Variants in ACOX3 observed in about 807,000 individuals in gnomAD.
ACOX3 encodes acyl-CoA oxidase 3, pristanoyl.
ACOX3 carries 73 observed loss-of-function variants against 81.5 expected under a neutral mutation model. The ratio of observed to expected loss-of-function variants is 0.90; its 90% CI spans 0.74 to 1.09. The LOEUF is 1.09. Ranked by LOEUF, ACOX3 falls within the 50% of genes least tolerant of loss-of-function variation. The pLI is 0.00. For missense variants in ACOX3, 947 were observed against 928.0 expected (o/e 1.02, Z -0.27); for synonymous variants, 387 against 375.1 (o/e 1.03, Z -0.37).
intron 13 of ACOX3, among the ~76,000 whole-genome samples, chr4:8,383,570 C>T (rs868572412): frequency 6.6e-6 from 1 of 152,192 alleles, no homozygotes; most frequent in Non-Finnish European, 1.5e-5. Flanking sequence ...AAAGCCCCCC[C>T]ACCACGAGAG....
intron 13 of ACOX3, among the ~76,000 whole-genome samples, chr4:8,388,774 C>T (rs1718605646): frequency 6.6e-6 from 1 of 152,212 alleles, no homozygotes; most frequent in African/African-American, 2.4e-5. Flanking sequence ...CCAGCAGGGC[C>T]TGGGAGTGGG....
chr4:8,415,881 T>C lies in ACOX3; in HGVS notation c.263A>G (p.Tyr88Cys). 1 of 1,614,204 alleles carries C rather than the reference T, an allele frequency of 6.2e-7. No individual in the cohort carries two copies. The highest frequency in any genetic ancestry group is 8.5e-7 in the Non-Finnish European group (1 of 1,180,036). The change falls in exon 3 of 18, where the codon TAT becomes TGT. Residue 88 changes from tyrosine to cysteine, a missense_variant. Tyr to Cys is a radical substitution (Grantham distance 194). Transcript: ENST00000356406. ...CATGTCTTCGACACTGAGGAAGTCA[T>C]ACTCGAAGATCCGCTTGCATCGAAG... is the stretch of plus-strand genomic sequence containing the variant. ...NFLRCKRIFE[Y>C]DFLSVEDMFK... is the part of the protein sequence containing the mutation.
Position 8,399,576 on chromosome 4 carries a change from T to C in ACOX3, c.853A>G (p.Thr285Ala). The part of the protein sequence containing the change: ...NRMGDVTPEG[T>A]YVSPFKDVRQ... ...TGTACCTTAAAGGGGCTGACATAGG[T>C]GCCCTCGGGGGTGACGTCTCCCATC... is the stretch of plus-strand genomic sequence containing the variant. The change falls in exon 8 of 18, where the codon ACC (threonine) becomes GCC (alanine). Residue 285 changes from threonine (T) to alanine (A), a missense_variant. Thr to Ala is a moderately conservative substitution (Grantham distance 58). Coordinates refer to ENST00000356406, the MANE Select transcript of ACOX3 (RefSeq NM_003501.3). This position sits in a 1 kb window ranked among gnomAD's most constrained non-coding sequence, Gnocchi z 4.9. 1 of 1,613,888 alleles carries C rather than the reference T, an allele frequency of 6.2e-7. No individual in the cohort carries two copies. Among genetic ancestry groups the C allele is most frequent in the Non-Finnish European group, 8.5e-7 (1 of 1,179,912 alleles).
At chr4:8,396,830 C>A in intron 9 of ACOX3, 107 bp downstream of exon 9, 1 of 1,348,382 alleles carries the variant, frequency 7.4e-7, no homozygotes, top group Non-Finnish European at 1.0e-6. Context: ...TGTTAATTGC[C>A]TTAAGAGCTT....
At position 8,382,207 on chromosome 4, in the gene ACOX3, T is replaced by C. The variant is rs1316541203; in HGVS notation, c.1538-600A>G. ...TCAAAAGGGCAGGAGGGAGCAGATG[T>C]TGCAGACAGGGAGGCCCCGGGGTGG... On this transcript the variant is annotated intron_variant, in intron 13 of 17. Coordinates refer to ENST00000356406, the MANE Select transcript of ACOX3 (RefSeq NM_003501.3). This position sits in a 1 kb window ranked among gnomAD's most constrained non-coding sequence, Gnocchi z 4.1. Among the ~76,000 whole-genome samples, 2 of 152,152 alleles carry C rather than the reference T, an allele frequency of 1.3e-5. No individual in the cohort carries two copies. The highest frequency in any genetic ancestry group is 4.8e-5 in the African/African-American group (2 of 41,452).
chr4:8,415,894 G>A lies in ACOX3; in HGVS notation c.250C>T (p.Arg84Trp), dbSNP rs760846643. 9.3e-6 allele frequency: 15 copies of A among 1,614,094 alleles called. No individual in the cohort carries two copies. The highest frequency in any genetic ancestry group is 6.6e-5 in the South Asian group (6 of 91,080). ...CTGAGGAAGTCATACTCGAAGATCC[G>A]CTTGCATCGAAGGAAGTTCAGCTCG... ...YRELNFLRCK[R>W]IFEYDFLSVE... is the part of the protein sequence containing the mutation. The change falls in exon 3 of 18, where the codon CGG becomes TGG. Residue 84 changes from arginine to tryptophan, a missense_variant. Arg to Trp is a moderately radical substitution (Grantham distance 101). Transcript: ENST00000356406.
At chr4:8,369,273 C>G (rs1325355644) in intron 17 of ACOX3, among the ~76,000 whole-genome samples, 3 of 152,142 alleles carry the variant, frequency 2.0e-5, no homozygotes, top group Admixed American at 2.0e-4. Flanking sequence ...GGTGAGCCCC[C>G]ACCTCCTGGG....
chr4:8,430,200 G>A lies in ACOX3; in HGVS notation c.-15+10448C>T, dbSNP rs1350128754. Among the ~76,000 whole-genome samples the A allele has an allele frequency of 1.3e-5, 2 of 152,176 alleles. No homozygotes were observed. Among genetic ancestry groups the A allele is most frequent in the East Asian group, 1.9e-4 (1 of 5,196 alleles). ...TATTTAAACAGACATATAATTATGG[G>A]TATCAGTGGGAGCGTCCGATTGCAA... On this transcript the variant is annotated intron_variant, in intron 1 of 17. Coordinates refer to ENST00000356406, the MANE Select transcript of ACOX3 (RefSeq NM_003501.3). The surrounding 1 kb of genome is among the most constrained non-coding windows in gnomAD (Gnocchi z 5.2).
At chr4:8,357,677 C>T in the ACOX3 span, 2 of 275,956 alleles carry the variant, frequency 7.2e-6, no homozygotes, top group African/African-American at 2.2e-5. Flanking sequence ...GTCATGGCTA[C>T]ACCTCAACCT....
intron 10 of ACOX3, among the ~76,000 whole-genome samples, chr4:8,393,980 C>T (rs542641090): frequency 1.3e-5 from 2 of 152,226 alleles, no homozygotes; most frequent in African/African-American, 2.4e-5. Context: ...ATGTGGACAC[C>T]GATAATATTT....
chr4:8,386,060 A>G lies in ACOX3; in HGVS notation c.1537+3113T>C, dbSNP rs1718257459. ...TGGTGTCTTTCCTGATGATGGAGAG[A>G]CTGTAAAATTGCTTTTGCTTTCAGT... On this transcript the variant is annotated intron_variant, in intron 13 of 17. Transcript: ENST00000356406. The surrounding 1 kb of genome is among the most constrained non-coding windows in gnomAD (Gnocchi z 5.2). Among the ~76,000 whole-genome samples, 1 of 152,154 alleles carries G rather than the reference A, an allele frequency of 6.6e-6. No individual in the cohort carries two copies. The highest frequency in any genetic ancestry group is 2.4e-5 in the African/African-American group (1 of 41,418).
the ACOX3 span, chr4:8,357,107 G>A: frequency 8.8e-6 from 4 of 456,688 alleles, no homozygotes; most frequent in Non-Finnish European, 1.8e-5. Context: ...GGAAGAAAGT[G>A]AGCAGAATGG....
intron 1 of ACOX3, chr4:8,428,627 C>G (rs1271286913): frequency 6.6e-6 from 1 of 152,290 alleles, no homozygotes; most frequent in Non-Finnish European, 1.5e-5. Context: ...CTTGCCTTCT[C>G]TGCTTTTAGG....
chr4:8,372,570 T>C (rs889016986), intron 16 of ACOX3, among the ~76,000 whole-genome samples: 4 of 152,194 alleles, frequency 2.6e-5, no homozygotes, highest in African/African-American at 9.7e-5. Context: ...CTGTGGCCAG[T>C]TCGATGTTAA....
chr4:8,398,550 T>G (rs984713141), intron 8 of ACOX3, among the ~76,000 whole-genome samples: 7 of 152,204 alleles, frequency 4.6e-5, no homozygotes, highest in African/African-American at 1.7e-4. Flanking sequence ...GATGCAATCA[T>G]AGCTCACTGC....
At chr4:8,375,389 C>CTCAGCT (rs1368265533) in intron 14 of ACOX3, among the ~76,000 whole-genome samples, 7 of 152,242 alleles carry the variant, frequency 4.6e-5, no homozygotes, top group Non-Finnish European at 8.8e-5. Flanking sequence ...CCGACGCCCT[C>CTCAGCT]CAAGGCCTCA....
chr4:8,392,228 G>A, intron 11 of ACOX3, 105 bp downstream of exon 11: 1 of 1,309,698 alleles, frequency 7.6e-7, no homozygotes, highest in Non-Finnish European at 1.0e-6. Context: ...AAAAACAGGT[G>A]GCAGGCTGGA....
At chr4:8,404,750 C>T (rs1720747990) in intron 7 of ACOX3, among the ~76,000 whole-genome samples, 1 of 152,198 alleles carries the variant, frequency 6.6e-6, no homozygotes, top group Non-Finnish European at 1.5e-5. Context: ...AAGGCAGGCT[C>T]CTCTCCTCTC....
chr4:8,435,987 T>A (rs1362452473), intron 1 of ACOX3, among the ~76,000 whole-genome samples: 2 of 152,068 alleles, frequency 1.3e-5, no homozygotes, highest in African/African-American at 4.8e-5. Flanking sequence ...AAGTGGGCCC[T>A]CTCAGATCTG....
Sources: gnomAD v4.1 joint callset for allele counts (sites outside exome capture counted in the v4.1 genomes callset) on GRCh38, gnomAD v4.1.1 for gene constraint, Gnocchi (gnomAD v3.1) non-coding constraint, MANE v1.5 for transcripts, NCBI Gene and HGNC (gene_info 2026-07-23, HGNC 2026-07-21) for gene names.